The following NLGN1 variants were observed in gnomAD, a reference collection of about 807,000 sequenced individuals.
The protein encoded by NLGN1 is neuroligin 1.
In NLGN1, 12 loss-of-function variants were observed where a neutral mutation model predicts 65.5. The observed-to-expected ratio is 0.18, with a 90% CI of 0.12 to 0.30. The LOEUF is 0.30. Among genes scored for constraint, NLGN1 ranks in the 10% least tolerant of loss-of-function variants. The pLI is 1.00. For synonymous variants in NLGN1, 350 were observed against 359.5 expected (o/e 0.97, Z 0.30); for missense variants, 750 against 1,007.1 (o/e 0.74, Z 3.46).
chr3:173,786,226 A>G (rs1198734039), intron 3 of NLGN1, among the ~76,000 whole-genome samples: 1 of 152,166 alleles, frequency 6.6e-6, no homozygotes, highest in Non-Finnish European at 1.5e-5. Context: ...GTATGTTCCA[A>G]TGCAGAGGGA....
Position 174,076,720 on chromosome 3 carries a change from AGAGAGTGTGTGTGT to A in NLGN1, c.647-198593_647-198580del, listed in dbSNP as rs1163789298. Among the ~76,000 whole-genome samples, 67 of 114,810 alleles carry A rather than the reference AGAGAGTGTGTGTGT, an allele frequency of 5.8e-4. 1 individual carries two copies. In the South Asian group the frequency reaches 0.014, roughly 23 times the overall value. The allele number at this position is 114,810 out of a possible 152,430, so 75.3% of individuals were successfully genotyped here. On this transcript the variant is annotated intron_variant, in intron 4 of 6. Transcript: ENST00000457714. ...GAGAGAGAGAGAGAGAGAGAGAGAGAGAGAGTGTGTGTGTGTGTGTGTGTGTGTGTGTGTGTGTG... is the reference window on the plus strand; with the variant it reads ...GAGAGAGAGAGAGAGAGAGAGAGAGAGTGTGTGTGTGTGTGTGTGTGTGTG...
chr3:173,935,630 T>TCC (rs1744931133), intron 4 of NLGN1, among the ~76,000 whole-genome samples: 1 of 145,826 alleles, frequency 6.9e-6, no homozygotes, highest in Non-Finnish European at 1.5e-5. Context: ...ACACTCTCTC[T>TCC]CTCTCTCTCT....
chr3:174,089,604 A>G (rs963819509), intron 4 of NLGN1, among the ~76,000 whole-genome samples: 2 of 152,322 alleles, frequency 1.3e-5, no homozygotes, highest in Admixed American at 6.5e-5. Flanking sequence ...ATGCCCTTAC[A>G]GTAAAAGGGA....
At chr3:173,798,011 G>C (rs1298772791) in intron 3 of NLGN1, among the ~76,000 whole-genome samples, 2 of 152,082 alleles carry the variant, frequency 1.3e-5, no homozygotes, top group Admixed American at 6.6e-5. Context: ...GGGTACCCTA[G>C]AAGGGGAAAG....
At chr3:173,921,973 C>G (rs941206846) in intron 4 of NLGN1, among the ~76,000 whole-genome samples, 3 of 152,162 alleles carry the variant, frequency 2.0e-5, no homozygotes, top group African/African-American at 4.8e-5. Context: ...TACAGCAGAG[C>G]CCAATTCAGG....
At chr3:173,524,330 T>C (rs552831962) in intron 2 of NLGN1, among the ~76,000 whole-genome samples, 21 of 152,310 alleles carry the variant, frequency 1.4e-4, no homozygotes, top group African/African-American at 4.3e-4. Flanking sequence ...GTGCCTGTTG[T>C]AAATGGGATT....
At chr3:173,565,489 G>C (rs1743489812) in intron 2 of NLGN1, among the ~76,000 whole-genome samples, 1 of 152,154 alleles carries the variant, frequency 6.6e-6, no homozygotes, top group African/African-American at 2.4e-5. Context: ...AAAAGAGCTA[G>C]AGTGCATTCA....
intron 4 of NLGN1, among the ~76,000 whole-genome samples, chr3:174,230,627 G>A (rs1027261608): frequency 4.6e-5 from 7 of 152,120 alleles, no homozygotes; most frequent in African/African-American, 1.7e-4. Flanking sequence ...TTGGTCTAAT[G>A]TACAGAAATA....
intron 4 of NLGN1, among the ~76,000 whole-genome samples, chr3:174,038,167 G>A (rs566296458): frequency 1.3e-5 from 2 of 152,272 alleles, no homozygotes; most frequent in African/African-American, 4.8e-5. Context: ...ATTCTTGTCA[G>A]GTTTTTGCTT....
chr3:173,825,062 C>T (rs927173087), intron 4 of NLGN1, among the ~76,000 whole-genome samples: 1 of 151,944 alleles, frequency 6.6e-6, no homozygotes, highest in African/African-American at 2.4e-5. Context: ...AAATTGTGCC[C>T]AAGAGAAAAT....
At chr3:173,785,680 A>G (rs1560366964) in intron 3 of NLGN1, among the ~76,000 whole-genome samples, 1 of 152,098 alleles carries the variant, frequency 6.6e-6, no homozygotes, top group Non-Finnish European at 1.5e-5. Flanking sequence ...GAGTTTATAT[A>G]TATATATATG....
intron 4 of NLGN1, among the ~76,000 whole-genome samples, chr3:173,972,399 A>G (rs1053367318): frequency 1.1e-4 from 17 of 152,188 alleles, no homozygotes; most frequent in African/African-American, 3.4e-4. Flanking sequence ...CAATGGTGGT[A>G]GAATGAATGC....
In NLGN1 at chr3:173,744,570, G is replaced by A. The variant is rs569631504; in HGVS notation, c.494-63110G>A. On this transcript the variant is annotated intron_variant, in intron 3 of 6. Coordinates refer to ENST00000457714, the Ensembl canonical transcript of NLGN1. ...AAGACTTCTGTGAAAAGGTAACAACGTAGCTGAGATCCGAGAGATAAGTAG... is the reference window on the plus strand; with the variant it reads ...AAGACTTCTGTGAAAAGGTAACAACATAGCTGAGATCCGAGAGATAAGTAG... Among the ~76,000 whole-genome samples the A allele has an allele frequency of 1.7e-3, 255 of 152,228 alleles. 2 individuals are homozygous for A. The highest frequency in any genetic ancestry group is 5.9e-3 in the African/African-American group (244 of 41,568).
intron 4 of NLGN1, among the ~76,000 whole-genome samples, chr3:174,039,240 T>A (rs1731769133): frequency 6.6e-6 from 1 of 151,760 alleles, no homozygotes; most frequent in African/African-American, 2.4e-5. Context: ...TATATATAAA[T>A]ATAAAATTTT....
intron 4 of NLGN1, among the ~76,000 whole-genome samples, chr3:174,151,642 G>C (rs1000592930): frequency 5.9e-5 from 9 of 152,074 alleles, no homozygotes; most frequent in African/African-American, 2.2e-4. Flanking sequence ...CTGAAAACTT[G>C]CACAGCTTGA....
At position 173,488,416 on chromosome 3, in the gene NLGN1, T is replaced by C. The variant is rs1430817006; in HGVS notation, c.-321+53338T>C. On this transcript the variant is annotated intron_variant, in intron 2 of 6. Coordinates refer to ENST00000457714, the Ensembl canonical transcript of NLGN1. ...TATTTTCCCCCACTTTCCTCCTGGA[T>C]TGAATTCTCTTTTCTTGATGTGCGT... Among the ~76,000 whole-genome samples the C allele has an allele frequency of 4.6e-5, 7 of 152,130 alleles. No individual in the cohort carries two copies. In the South Asian group the frequency reaches 8.3e-4, roughly 18 times the overall value.
At chr3:173,519,707 ATT>A (rs56083885) in intron 2 of NLGN1, among the ~76,000 whole-genome samples, 20 of 142,582 alleles carry the variant, frequency 1.4e-4, no homozygotes, top group Middle Eastern at 7.6e-3. Context: ...GGAGGTAACT[ATT>A]TTTTTTTTTT....
At chr3:173,840,168 G>C (rs760993912) in intron 4 of NLGN1, among the ~76,000 whole-genome samples, 2 of 152,142 alleles carry the variant, frequency 1.3e-5, no homozygotes, top group Non-Finnish European at 2.9e-5. Context: ...CAAGACTCCA[G>C]AGTTGCCTTA....
intron 2 of NLGN1, among the ~76,000 whole-genome samples, chr3:173,447,924 C>T (rs192348176): frequency 1.3e-5 from 2 of 152,298 alleles, no homozygotes; most frequent in Admixed American, 1.3e-4. Flanking sequence ...TATCCTGAGA[C>T]TTTGCTGAAG....
Sources: allele counts gnomAD v4.1 joint callset (sites outside exome capture counted in the v4.1 genomes callset), GRCh38; gene constraint gnomAD v4.1.1; transcripts MANE v1.5; gene names NCBI Gene and HGNC (gene_info 2026-07-23, HGNC 2026-07-21).